The following CDH13 variants were observed in gnomAD, a reference collection of about 807,000 sequenced individuals.
The protein encoded by CDH13 is cadherin-13.
A neutral mutation model predicts 63.8 loss-of-function variants in CDH13; 24 were observed. The observed-to-expected ratio is 0.38, with a 90% confidence interval of 0.27 to 0.53. The LOEUF (loss-of-function observed/expected upper bound fraction) is 0.53, where lower values mean the gene tolerates loss of function less well. Among genes scored for constraint, CDH13 ranks in the 20% least tolerant of loss-of-function variants. The pLI is 0.85. For synonymous variants in CDH13, 503 were observed against 355.3 expected (o/e 1.42, Z -4.67); for missense variants, 1,049 against 903.1 (o/e 1.16, Z -2.07).
chr16:82,968,064 C>T (rs898522239), intron 2 of CDH13, among the ~76,000 whole-genome samples: 3 of 152,144 alleles, frequency 2.0e-5, no homozygotes, highest in Admixed American at 2.0e-4. Flanking sequence ...TGTTGGCATT[C>T]TATTTTAAGG....
chr16:82,730,855 A>G (rs1004701270), intron 1 of CDH13, among the ~76,000 whole-genome samples: 3 of 152,212 alleles, frequency 2.0e-5, no homozygotes, highest in African/African-American at 4.8e-5. Flanking sequence ...AATTTTTCAA[A>G]TGTTTTGTTA....
In CDH13 at chr16:83,131,279, G is replaced by T. The variant is rs927767472; in HGVS notation, c.483+5778G>T. ...AAATGAGTTTGCCTCCTAATTTCTG[G>T]CTCTTTTCCATGGTGCATTCTGCCC... On this transcript the variant is annotated intron_variant, in intron 4 of 13. Transcript: ENST00000567109. Among the ~76,000 whole-genome samples the T allele has an allele frequency of 4.4e-5, 6 of 136,482 alleles. No individual in the cohort carries two copies. The South Asian group carries it at 1.3e-3, about 31-fold the overall frequency. 89.5% of individuals were successfully genotyped at this position (136,482 alleles called of 152,430 possible).
At chr16:83,218,317 G>A (rs7198772) in intron 5 of CDH13, among the ~76,000 whole-genome samples, 27,744 of 152,036 alleles carry the variant, frequency 0.18, 2,911 homozygotes, top group African/African-American at 0.27. Flanking sequence ...TGGGCAATGC[G>A]CTCAAGGGTC....
chr16:82,870,276 C>T (rs1276897009), intron 2 of CDH13, among the ~76,000 whole-genome samples: 2 of 152,150 alleles, frequency 1.3e-5, no homozygotes, highest in Non-Finnish European at 2.9e-5. Flanking sequence ...TATTCTCTCC[C>T]TGCAGTTAAA....
At chr16:82,697,099 T>A (rs141392171) in intron 1 of CDH13, among the ~76,000 whole-genome samples, 1 of 152,216 alleles carries the variant, frequency 6.6e-6, no homozygotes, top group East Asian at 1.9e-4. Flanking sequence ...ACTTTTACCA[T>A]GCTATATCTA....
At chr16:83,054,972 A>T (rs2030767731) in intron 3 of CDH13, among the ~76,000 whole-genome samples, 1 of 152,164 alleles carries the variant, frequency 6.6e-6, no homozygotes, top group African/African-American at 2.4e-5. Context: ...TTCAAAAGAT[A>T]GAAATCATAC....
chr16:83,055,115 G>C (rs181158924), intron 3 of CDH13, among the ~76,000 whole-genome samples: 1 of 151,828 alleles, frequency 6.6e-6, no homozygotes, highest in Non-Finnish European at 1.5e-5. Context: ...ATAATAGTAA[G>C]AAGTAGAAAA....
chr16:83,464,170 T>C (rs1269105943), intron 6 of CDH13, among the ~76,000 whole-genome samples: 1 of 152,098 alleles, frequency 6.6e-6, no homozygotes, highest in Non-Finnish European at 1.5e-5. Flanking sequence ...ACCGTCCTGG[T>C]TCAGGCAGTC....
In CDH13 at chr16:82,627,065, C is replaced by A. The variant is rs1567568354; in HGVS notation, c.-28C>A. The A allele has an allele frequency of 7.6e-6, 12 of 1,583,276 alleles. No individual in the cohort carries two copies. The South Asian group carries it at 1.3e-4, about 17-fold the overall frequency. On this transcript the variant is annotated 5_prime_UTR_variant, in exon 1 of 14. Transcript: ENST00000567109. ...GTGCAGCCGCGTGCATGAATGAAAA[C>A]GCCGCCGGGCGCTTCTAGTCGGACA...
At chr16:83,217,632 G>C in intron 5 of CDH13, 135 bp downstream of exon 5, 1 of 870,184 alleles carries the variant, frequency 1.1e-6, no homozygotes, top group South Asian at 1.8e-5. Flanking sequence ...TTCTGTGGGA[G>C]CTGAAGTGGA....
intron 7 of CDH13, among the ~76,000 whole-genome samples, chr16:83,587,596 A>C (rs542078772): frequency 3.9e-5 from 6 of 152,296 alleles, no homozygotes; most frequent in African/African-American, 1.4e-4. Flanking sequence ...TTCTAACTGC[A>C]CTTGATTTGG....
chr16:83,417,201 C>A (rs984370035), intron 6 of CDH13, among the ~76,000 whole-genome samples: 1 of 152,156 alleles, frequency 6.6e-6, no homozygotes, highest in Admixed American at 6.5e-5. Context: ...TAAACCAGGG[C>A]AGTCTGACTT....
intron 2 of CDH13, among the ~76,000 whole-genome samples, chr16:82,958,568 G>C (rs539071952): frequency 6.6e-6 from 1 of 152,336 alleles, no homozygotes; most frequent in East Asian, 1.9e-4. Flanking sequence ...AAGACAATGA[G>C]TAAAACGTTA....
chr16:82,903,469 A>C (rs918672115), intron 2 of CDH13, among the ~76,000 whole-genome samples: 1 of 152,050 alleles, frequency 6.6e-6, no homozygotes, highest in South Asian at 2.1e-4. Flanking sequence ...TTTTATCCTC[A>C]TCGTTTCTTC....
chr16:83,281,862 G>C (rs368518835), intron 5 of CDH13, among the ~76,000 whole-genome samples: 1 of 152,076 alleles, frequency 6.6e-6, no homozygotes, highest in Non-Finnish European at 1.5e-5. Flanking sequence ...GCAGTGAGCC[G>C]AGATTGCACC....
intron 1 of CDH13, among the ~76,000 whole-genome samples, chr16:82,698,030 T>A (rs750136973): frequency 2.6e-5 from 4 of 152,068 alleles, no homozygotes; most frequent in Admixed American, 1.3e-4. Flanking sequence ...ATAGGGGCTA[T>A]AAAGAAGTAT....
chr16:83,511,749 A>T (rs2074571655), intron 7 of CDH13, among the ~76,000 whole-genome samples: 2 of 152,220 alleles, frequency 1.3e-5, no homozygotes, highest in Non-Finnish European at 2.9e-5. Context: ...CAAAATAAAA[A>T]TGGAAGGGGC....
intron 8 of CDH13, 101 bp from the exon 9 acceptor site, chr16:83,670,689 T>G: frequency 2.0e-6 from 2 of 1,007,204 alleles, no homozygotes; most frequent in Non-Finnish European, 3.0e-6. Flanking sequence ...TATTATTTAT[T>G]TTTAAGTGAG....
At chr16:83,076,574 C>T (rs1156753579) in intron 3 of CDH13, among the ~76,000 whole-genome samples, 1 of 152,050 alleles carries the variant, frequency 6.6e-6, no homozygotes, top group Non-Finnish European at 1.5e-5. Context: ...CCCATAACCT[C>T]GATTCTACAG....
Sources: allele counts gnomAD v4.1 joint callset (sites outside exome capture counted in the v4.1 genomes callset), GRCh38; gene constraint gnomAD v4.1.1; transcripts MANE v1.5; gene names NCBI Gene and HGNC (gene_info 2026-07-23, HGNC 2026-07-21).